Variants in MX2 observed in about 807,000 individuals in gnomAD.
The protein encoded by MX2 is MX dynamin like GTPase 2.
Under a neutral mutation model 74.0 loss-of-function variants are expected in MX2, and 51 were observed. That is an observed-to-expected ratio of 0.69 (90% CI 0.55 to 0.87). MX2 has a LOEUF of 0.87. Ranked by LOEUF, MX2 falls within the 40% of genes least tolerant of loss-of-function variation. The pLI is 0.00. For missense variants in MX2, 832 were observed against 908.7 expected (o/e 0.92, Z 1.09); for synonymous variants, 369 against 339.3 (o/e 1.09, Z -0.96).
At position 41,390,548 on chromosome 21, in the gene MX2, C is replaced by T. The variant is rs773618175; in HGVS notation, c.733-17C>T. 1.8e-5 allele frequency: 29 copies of T among 1,613,592 alleles called. No individual in the cohort carries two copies. The highest frequency in any genetic ancestry group is 2.7e-5 in the African/African-American group (2 of 74,904). Reference sequence around the variant, plus strand: ...GTGAGACGTGTGCTCTTTCTTTGTGCGATTCTTTGGCATCAGATCAAGGCT... The same window carrying T: ...GTGAGACGTGTGCTCTTTCTTTGTGTGATTCTTTGGCATCAGATCAAGGCT... On this transcript the variant is annotated splice_polypyrimidine_tract_variant and intron_variant, in intron 5 of 13. Transcript: ENST00000330714.
intron 3 of MX2, among the ~76,000 whole-genome samples, chr21:41,378,970 C>G (rs987132235): frequency 3.3e-5 from 5 of 152,192 alleles, no homozygotes; most frequent in Non-Finnish European, 5.9e-5. Context: ...CCAAGGTTGC[C>G]CAGAGCAAGG....
At chr21:41,398,834 C>T in intron 8 of MX2, 63 bp from the exon 9 acceptor site, 5 of 1,580,236 alleles carry the variant, frequency 3.2e-6, no homozygotes, top group Non-Finnish European at 4.3e-6. Context: ...ACTCATATAC[C>T]AAAGAAATCA....
chr21:41,378,064 T>C lies in MX2; in HGVS notation c.442+83T>C. 3 of 1,474,668 alleles carry C rather than the reference T, an allele frequency of 2.0e-6. No homozygotes were observed. In the South Asian group the frequency reaches 3.8e-5, roughly 19 times the overall value. 91.3% of individuals were successfully genotyped at this position (1,474,668 alleles called of 1,614,324 possible). A position where few individuals can be genotyped will look rare whatever the true frequency, so the allele number is the denominator to read the frequency against. On this transcript the variant is annotated intron_variant, in intron 3 of 13. Coordinates refer to ENST00000330714, the MANE Select transcript of MX2 (RefSeq NM_002463.2). ...AGCTTCCCCAGGCACCAAGAGGTTTTAGAGACAGGCTGCTGGGTGAGAGAG... is the reference window on the plus strand; with the variant it reads ...AGCTTCCCCAGGCACCAAGAGGTTTCAGAGACAGGCTGCTGGGTGAGAGAG...
intron 12 of MX2, among the ~76,000 whole-genome samples, chr21:41,405,701 C>CTTTT (rs58741218): frequency 6.7e-5 from 9 of 133,792 alleles, no homozygotes; most frequent in Admixed American, 8.5e-5. Flanking sequence ...TCTTTCTTTC[C>CTTTT]TTTTTTTTTT....
At position 41,409,374 on chromosome 21, in the gene MX2, T is replaced by C. The variant is rs1429854309; in HGVS notation, c.*1141T>C. 2 of 152,196 alleles carry C rather than the reference T, an allele frequency of 1.3e-5. No individual in the cohort carries two copies. Among genetic ancestry groups the C allele is most frequent in the Non-Finnish European group, 2.9e-5 (2 of 68,028 alleles). The allele number at this position is 152,196 out of a possible 1,614,324, so 9.4% of individuals were successfully genotyped here. On this transcript the variant is annotated 3_prime_UTR_variant, in exon 14 of 14. Transcript: ENST00000330714. ...AATGATGAACATATAGATTCCTTAA[T>C]AAAAAGGCAATAGAATAAATATCAT...
intron 1 of MX2, chr21:41,370,730 G>A (rs1349269728): frequency 6.6e-6 from 1 of 152,238 alleles, no homozygotes; most frequent in Admixed American, 6.5e-5. Flanking sequence ...CATATAGGAG[G>A]CAGGATCATT....
Position 41,395,689 on chromosome 21 carries a change from T to C in MX2, c.974T>C (p.Val325Ala). ...CCCCTCAAGAAGGGCTACATGATTG[T>C]GAAGTGCCGGGGCCAGCAGGAGATC... ...TYPLKKGYMI[V>A]KCRGQQEITN... The change falls in exon 7 of 14, where the codon GTG becomes GCG. Residue 325 changes from valine (V) to alanine (A), a missense_variant. Transcript: ENST00000330714. 1 of 1,614,180 alleles carries C rather than the reference T, an allele frequency of 6.2e-7. No homozygotes were observed. Among genetic ancestry groups the C allele is most frequent in the Non-Finnish European group, 8.5e-7 (1 of 1,180,044 alleles).
intron 5 of MX2, among the ~76,000 whole-genome samples, chr21:41,386,521 T>A (rs1004593759): frequency 6.6e-5 from 10 of 152,162 alleles, no homozygotes; most frequent in African/African-American, 2.4e-4. Context: ...AAGACCAGTC[T>A]GGGAATCCAT....
intron 10 of MX2, 143 bp from the exon 11 acceptor site, chr21:41,401,827 A>G: frequency 1.2e-6 from 1 of 812,356 alleles, no homozygotes; most frequent in Non-Finnish European, 1.9e-6. Flanking sequence ...GACCATGAAT[A>G]TTTTTCTCAT....
intron 1 of MX2, chr21:41,370,193 G>A (rs2089305579): frequency 6.6e-6 from 1 of 152,208 alleles, no homozygotes; most frequent in Admixed American, 6.5e-5. Context: ...CCGTAAATCC[G>A]GAACCACTAC....
intron 1 of MX2, among the ~76,000 whole-genome samples, chr21:41,375,330 A>G (rs1444022551): frequency 6.6e-6 from 1 of 152,282 alleles, no homozygotes; most frequent in Non-Finnish European, 1.5e-5. Flanking sequence ...TGCCTGGCAC[A>G]TTCAGAGTCG....
intron 6 of MX2, among the ~76,000 whole-genome samples, chr21:41,394,535 T>C (rs993961131): frequency 6.6e-6 from 1 of 152,210 alleles, no homozygotes; most frequent in African/African-American, 2.4e-5. Context: ...CTTATCAATA[T>C]CCATTCTTCT....
At position 41,377,006 on chromosome 21, in the gene MX2, C is replaced by T; in HGVS notation, c.100C>T (p.Pro34Ser). 1 of 1,614,218 alleles carries T rather than the reference C, an allele frequency of 6.2e-7. No homozygotes were observed. The highest frequency in any genetic ancestry group is 8.5e-7 in the Non-Finnish European group (1 of 1,180,046). The change falls in exon 2 of 14, where the codon CCG becomes TCG. Residue 34 changes from proline (P) to serine (S), a missense_variant. Pro to Ser is a moderately conservative substitution (Grantham distance 74). Coordinates refer to ENST00000330714, the MANE Select transcript of MX2 (RefSeq NM_002463.2). ...KEMNSFQQQP[P>S]PFGTVPPQMM... ...AATGAATTCCTTCCAGCAACAGCCACCGCCATTCGGCACAGTGCCACCACA... is the reference window on the plus strand; with the variant it reads ...AATGAATTCCTTCCAGCAACAGCCATCGCCATTCGGCACAGTGCCACCACA...
At chr21:41,378,088 A>G (rs1420440707) in intron 3 of MX2, 107 bp downstream of exon 3, 2 of 1,358,600 alleles carry the variant, frequency 1.5e-6, no homozygotes, top group South Asian at 1.4e-5. Context: ...TGGGTGAGAG[A>G]GCTGGGAAAG....
chr21:41,397,833 C>T (rs777552095), intron 8 of MX2, 142 bp downstream of exon 8: 1 of 630,040 alleles, frequency 1.6e-6, no homozygotes, highest in Non-Finnish European at 2.7e-6. Context: ...CTCACTGTCA[C>T]AGGCTCACTG....
At chr21:41,394,855 C>T (rs781056487) in intron 6 of MX2, among the ~76,000 whole-genome samples, 88 of 151,778 alleles carry the variant, frequency 5.8e-4, no homozygotes, top group Middle Eastern at 3.2e-3. Context: ...GCAGGAGAAT[C>T]GCTTGAACCG....
chr21:41,402,190 C>A lies in MX2; in HGVS notation c.1573+62C>A. ...CTCATACCTTCCATAGACCCCAGTG[C>A]CTTGGAGGGAGAGATTGGAATGGAG... On this transcript the variant is annotated intron_variant, in intron 11 of 13. Transcript: ENST00000330714. This position sits in a 1 kb window ranked among gnomAD's most constrained non-coding sequence, Gnocchi z 4.5. 6.5e-7 allele frequency: 1 copy of A among 1,535,256 alleles called. No individual in the cohort carries two copies. Among genetic ancestry groups the A allele is most frequent in the Non-Finnish European group, 8.8e-7 (1 of 1,138,524 alleles).
At position 41,380,267 on chromosome 21, in the gene MX2, T is replaced by C; in HGVS notation, c.577+116T>C. 1 of 1,400,998 alleles carries C rather than the reference T, an allele frequency of 7.1e-7. No homozygotes were observed. Among genetic ancestry groups the C allele is most frequent in the Non-Finnish European group, 9.7e-7 (1 of 1,027,248 alleles). The allele number at this position is 1,400,998 out of a possible 1,614,324, so 86.8% of individuals were successfully genotyped here. A position where few individuals can be genotyped will look rare whatever the true frequency, so the allele number is the denominator to read the frequency against. On this transcript the variant is annotated intron_variant, in intron 4 of 13. Coordinates refer to ENST00000330714, the MANE Select transcript of MX2 (RefSeq NM_002463.2). This position sits in a 1 kb window ranked among gnomAD's most constrained non-coding sequence, Gnocchi z 4.3. ...TGACCACTCAGCTCCTAGCCCCATG[T>C]GCTCCCACATGGGGCTGAACCCATT...
rs2089824074 is a variant in MX2 at position 41,402,203 on chromosome 21, G to A, written c.1573+75G>A. The A allele has an allele frequency of 6.6e-7, 1 of 1,507,748 alleles. No homozygotes were observed. The highest frequency in any genetic ancestry group is 8.9e-7 in the Non-Finnish European group (1 of 1,120,568). 93.4% of individuals were successfully genotyped at this position (1,507,748 alleles called of 1,614,324 possible). A position where few individuals can be genotyped will look rare whatever the true frequency, so the allele number is the denominator to read the frequency against. On this transcript the variant is annotated intron_variant, in intron 11 of 13. Coordinates refer to ENST00000330714, the MANE Select transcript of MX2 (RefSeq NM_002463.2). This position sits in a 1 kb window ranked among gnomAD's most constrained non-coding sequence, Gnocchi z 4.5. ...TAGACCCCAGTGCCTTGGAGGGAGA[G>A]ATTGGAATGGAGTTACCAAACCAGC...
Sources: allele counts gnomAD v4.1 joint callset (sites outside exome capture counted in the v4.1 genomes callset), GRCh38; gene constraint gnomAD v4.1.1; non-coding constraint Gnocchi (gnomAD v3.1); transcripts MANE v1.5; gene names NCBI Gene and HGNC (gene_info 2026-07-23, HGNC 2026-07-21).